Variants in SLC22A23 observed in about 807,000 individuals in gnomAD.
The protein encoded by SLC22A23 is solute carrier family 22 member 23, also known as ion transporter protein.
SLC22A23 carries 26 observed loss-of-function variants against 61.0 expected under a neutral mutation model. The ratio of observed to expected loss-of-function variants is 0.43; its 90% CI spans 0.31 to 0.59. The LOEUF (loss-of-function observed/expected upper bound fraction) is 0.59. SLC22A23 is among the 20% of genes least tolerant of loss of function. The probability of loss-of-function intolerance (pLI) is 0.11; values close to 1 mark genes in which losing one functional copy is unlikely to be tolerated. For synonymous variants in SLC22A23, 430 were observed against 413.9 expected (o/e 1.04, Z -0.47); for missense variants, 796 against 934.7 (o/e 0.85, Z 1.94).
chr6:3,313,094 T>G (rs541249207), intron 4 of SLC22A23: 6 of 152,314 alleles, frequency 3.9e-5, no homozygotes, highest in African/African-American at 1.4e-4. Flanking sequence ...CGCTTCTCCT[T>G]GCAGGCATTT....
chr6:3,430,535 CTATT>C (rs61500871), intron 1 of SLC22A23, among the ~76,000 whole-genome samples: 84,689 of 151,654 alleles, frequency 0.56, 23,871 homozygotes, highest in Middle Eastern at 0.75. Context: ...TGTTCCATGA[CTATT>C]TATTGGTCAC....
At chr6:3,290,104 C>T in intron 5 of SLC22A23, 3 of 563,268 alleles carry the variant, frequency 5.3e-6, no homozygotes, top group Non-Finnish European at 9.5e-6. Context: ...CACCAAGGTG[C>T]ACCGTCAGCA....
intron 3 of SLC22A23, among the ~76,000 whole-genome samples, chr6:3,389,488 G>A (rs1019374889): frequency 2.6e-5 from 4 of 152,194 alleles, no homozygotes; most frequent in African/African-American, 9.7e-5. Flanking sequence ...ACAAGCTGGT[G>A]AGCGCTGAGG....
At chr6:3,356,247 G>A (rs13211300) in intron 3 of SLC22A23, among the ~76,000 whole-genome samples, 36,034 of 150,192 alleles carry the variant, frequency 0.24, 5,029 homozygotes, top group East Asian at 0.54. Context: ...CTCCTTCTGC[G>A]TGCCAGCCCT....
intron 2 of SLC22A23, among the ~76,000 whole-genome samples, chr6:3,413,274 C>T (rs1769401202): frequency 6.6e-6 from 1 of 152,302 alleles, no homozygotes; most frequent in Middle Eastern, 3.4e-3. Flanking sequence ...GTGTGGAGGT[C>T]ATGGACAGGA....
rs370648629 is a variant in SLC22A23 at position 3,446,194 on chromosome 6, C to G, written c.654+9712G>C. Among the ~76,000 whole-genome samples the G allele has an allele frequency of 4.6e-5, 7 of 152,280 alleles. No homozygotes were observed. In the East Asian group the frequency reaches 1.2e-3, roughly 25 times the overall value. On this transcript the variant is annotated intron_variant, in intron 1 of 9. Coordinates refer to ENST00000406686, the MANE Select transcript of SLC22A23 (RefSeq NM_015482.2). The stretch of plus-strand genomic sequence containing the variant: ...AGGGAGAAGTCACAAAGGGTGGGAG[C>G]CCCTGCCAGCCCTTCCCAGCCCCTC...
At chr6:3,280,398 G>A (rs1022797302) in intron 9 of SLC22A23, among the ~76,000 whole-genome samples, 1 of 151,468 alleles carries the variant, frequency 6.6e-6, no homozygotes, top group African/African-American at 2.4e-5. Context: ...CTCATCGCTC[G>A]CACGCCACAG....
intron 1 of SLC22A23, among the ~76,000 whole-genome samples, chr6:3,452,359 G>A (rs113961709): frequency 0.11 from 16,002 of 152,006 alleles, 1,285 homozygotes; most frequent in African/African-American, 0.22. Context: ...TTGGGAGGCC[G>A]AGGCAGAAGG....
intron 9 of SLC22A23, among the ~76,000 whole-genome samples, chr6:3,276,296 A>G (rs1046556376): frequency 1.3e-5 from 2 of 152,198 alleles, no homozygotes; most frequent in African/African-American, 4.8e-5. Context: ...TTGCAGCCCT[A>G]GGGGACAAAG....
intron 3 of SLC22A23, among the ~76,000 whole-genome samples, chr6:3,345,480 C>A (rs901812362): frequency 6.6e-6 from 1 of 151,766 alleles, no homozygotes; most frequent in African/African-American, 2.4e-5. Flanking sequence ...ATTCTCCTGC[C>A]TCAGCCTCCT....
At chr6:3,406,260 C>T (rs1489571251) in intron 3 of SLC22A23, among the ~76,000 whole-genome samples, 3 of 152,106 alleles carry the variant, frequency 2.0e-5, no homozygotes, top group African/African-American at 7.2e-5. Flanking sequence ...AACATCAAAT[C>T]AACTTAAAAA....
chr6:3,272,845 G>T lies in SLC22A23; in HGVS notation c.*210C>A. ...AATACACACATTTAACGGCAGAAAA[G>T]AAAGTCTTGAAAGGGTTATTTCCAA... On this transcript the variant is annotated 3_prime_UTR_variant, in exon 10 of 10. Transcript: ENST00000406686. 1 of 482,912 alleles carries T rather than the reference G, an allele frequency of 2.1e-6. No individual in the cohort carries two copies. Among genetic ancestry groups the T allele is most frequent in the South Asian group, 4.1e-5 (1 of 24,566 alleles). The allele number at this position is 482,912 out of a possible 1,614,324, so 29.9% of individuals were successfully genotyped here. A position where few individuals can be genotyped will look rare whatever the true frequency, so the allele number is the denominator to read the frequency against.
intron 1 of SLC22A23, among the ~76,000 whole-genome samples, chr6:3,423,384 T>C (rs1320581970): frequency 6.6e-6 from 1 of 152,224 alleles, no homozygotes; most frequent in Non-Finnish European, 1.5e-5. Context: ...CTTATTCGTT[T>C]TGTACAGGGC....
In SLC22A23 at chr6:3,297,871, G is replaced by A. The variant is rs1174231327; in HGVS notation, c.1210+220C>T. ...TCGCTTCTGCATTTAGACAGGAGAT[G>A]AGCAGATCCAGAGTGTGCTGGACTT... On this transcript the variant is annotated intron_variant, in intron 5 of 9. Transcript: ENST00000406686. This position sits in a 1 kb window ranked among gnomAD's most constrained non-coding sequence, Gnocchi z 4.3. 6.6e-6 allele frequency among the ~76,000 whole-genome samples: 1 copy of A among 152,226 alleles called. No individual in the cohort carries two copies. Among genetic ancestry groups the A allele is most frequent in the Non-Finnish European group, 1.5e-5 (1 of 68,044 alleles).
At chr6:3,383,498 C>T (rs1032025231) in intron 3 of SLC22A23, among the ~76,000 whole-genome samples, 1 of 152,172 alleles carries the variant, frequency 6.6e-6, no homozygotes. Flanking sequence ...TAAAACCAAA[C>T]CATGTTGAAC....
chr6:3,408,124 C>G (rs1768958037), intron 3 of SLC22A23, among the ~76,000 whole-genome samples: 1 of 152,184 alleles, frequency 6.6e-6, no homozygotes, highest in African/African-American at 2.4e-5. Flanking sequence ...GTAACTGTGA[C>G]AGACCATATG....
At chr6:3,280,989 G>A (rs1478046673) in intron 9 of SLC22A23, among the ~76,000 whole-genome samples, 8 of 152,130 alleles carry the variant, frequency 5.3e-5, no homozygotes, top group Admixed American at 2.0e-4. Context: ...TGCCGGAGTG[G>A]GCAGGGCAGG....
chr6:3,447,831 A>C (rs1341624387), intron 1 of SLC22A23, among the ~76,000 whole-genome samples: 1 of 143,430 alleles, frequency 7.0e-6, no homozygotes. Context: ...CTCATGATCC[A>C]CCCACCTCGG....
In SLC22A23 at chr6:3,272,955, G is replaced by A. The variant is rs574104868; in HGVS notation, c.*100C>T. 32 of 1,109,392 alleles carry A rather than the reference G, an allele frequency of 2.9e-5. No individual in the cohort carries two copies. In the South Asian group the frequency reaches 4.5e-4, roughly 16 times the overall value. 68.7% of individuals were successfully genotyped at this position (1,109,392 alleles called of 1,614,324 possible). On this transcript the variant is annotated 3_prime_UTR_variant, in exon 10 of 10. Coordinates refer to ENST00000406686, the MANE Select transcript of SLC22A23 (RefSeq NM_015482.2). Reference sequence around the variant, plus strand: ...ACCAGTTGAGAGGCTCAGCTTGGCTGAGGCAGCTTTCCCACCCCTGGCTGC... The same window carrying A: ...ACCAGTTGAGAGGCTCAGCTTGGCTAAGGCAGCTTTCCCACCCCTGGCTGC...
Sources: allele counts gnomAD v4.1 joint callset (sites outside exome capture counted in the v4.1 genomes callset), GRCh38; gene constraint gnomAD v4.1.1; non-coding constraint Gnocchi (gnomAD v3.1); transcripts MANE v1.5; gene names NCBI Gene and HGNC (gene_info 2026-07-23, HGNC 2026-07-21).